Variants in MECOM observed in about 807,000 individuals in gnomAD.
MECOM encodes MDS1 and EVI1 complex locus, also known as histone-lysine N-methyltransferase MECOM.
A neutral mutation model predicts 116.3 loss-of-function variants in MECOM; 13 were observed. The observed-to-expected ratio is 0.11, with a 90% confidence interval of 0.07 to 0.18. The LOEUF (loss-of-function observed/expected upper bound fraction) is 0.18, where lower values mean the gene tolerates loss of function less well. MECOM is among the 10% of genes least tolerant of loss of function. The probability of loss-of-function intolerance (pLI) is 1.00; values close to 1 mark genes in which losing one functional copy is unlikely to be tolerated. For synonymous variants in MECOM, 528 were observed against 535.2 expected, an observed-to-expected ratio of 0.99 and a Z score of 0.19; for missense variants, 1,299 against 1,509.0, an observed-to-expected ratio of 0.86 and a Z score of 2.31.
chr3:169,539,096 A>G (rs982199500), intron 1 of MECOM, among the ~76,000 whole-genome samples: 4 of 152,106 alleles, frequency 2.6e-5, no homozygotes, highest in Middle Eastern at 3.2e-3. Flanking sequence ...ATACATATGA[A>G]ACTAGACTAT....
At position 169,417,858 on chromosome 3, in the gene MECOM, C is replaced by CA. The variant is rs540545783; in HGVS notation, c.38-36335dup. 3.2e-4 allele frequency among the ~76,000 whole-genome samples: 49 copies of CA among 151,596 alleles called. No individual in the cohort carries two copies. The South Asian group carries it at 0.01, about 31-fold the overall frequency. Reference sequence around the variant, plus strand: ...CATTCTCAGCAAACTATCGCAAGAACAAAAAACCAAACACCACGTATTCTC... The same window carrying CA: ...CATTCTCAGCAAACTATCGCAAGAACAAAAAAACCAAACACCACGTATTCTC... On this transcript the variant is annotated intron_variant, in intron 1 of 16. Coordinates refer to ENST00000651503, the MANE Select transcript of MECOM (RefSeq NM_004991.4).
intron 1 of MECOM, among the ~76,000 whole-genome samples, chr3:169,468,016 T>G (rs1748587502): frequency 6.6e-6 from 1 of 152,192 alleles, no homozygotes; most frequent in African/African-American, 2.4e-5. Flanking sequence ...CCTTCTCCTC[T>G]TTTTATGTCA....
chr3:169,524,224 C>T (rs573606441), intron 1 of MECOM, among the ~76,000 whole-genome samples: 1 of 151,968 alleles, frequency 6.6e-6, no homozygotes, highest in Non-Finnish European at 1.5e-5. Flanking sequence ...TTAATGTGTA[C>T]AGGGTCCTTA....
At chr3:169,504,411 A>G (rs959262008) in intron 1 of MECOM, among the ~76,000 whole-genome samples, 5 of 152,090 alleles carry the variant, frequency 3.3e-5, no homozygotes, top group Admixed American at 6.5e-5. Flanking sequence ...TGAGGTACTC[A>G]TTTTTCCTAC....
intron 5 of MECOM, among the ~76,000 whole-genome samples, chr3:169,124,934 G>A (rs1294357788): frequency 6.6e-6 from 1 of 152,028 alleles, no homozygotes; most frequent in African/African-American, 2.4e-5. Context: ...ATTATCCAGT[G>A]GTCATACAGA....
intron 14 of MECOM, 72 bp from the exon 15 acceptor site, chr3:169,090,308 T>C (rs770761630): frequency 2.2e-6 from 3 of 1,356,602 alleles, no homozygotes; most frequent in Admixed American, 4.4e-5. Flanking sequence ...TCCTTTATTA[T>C]GTCTTCCCAA....
chr3:169,627,094 CA>C (rs1771472724), intron 1 of MECOM, among the ~76,000 whole-genome samples: 1 of 152,178 alleles, frequency 6.6e-6, no homozygotes, highest in Admixed American at 6.5e-5. Flanking sequence ...AAACAAATTA[CA>C]GCAGTCAAAA....
chr3:169,115,238 T>TA, intron 8 of MECOM, 145 bp downstream of exon 8: 2 of 887,480 alleles, frequency 2.3e-6, no homozygotes, highest in Non-Finnish European at 1.6e-6. Context: ...ACTTTCAGAA[T>TA]AAAAAATGAG....
intron 1 of MECOM, among the ~76,000 whole-genome samples, chr3:169,396,616 G>A (rs1417338822): frequency 6.6e-6 from 1 of 152,014 alleles, no homozygotes; most frequent in African/African-American, 2.4e-5. Context: ...TTACTATGTG[G>A]CTCACATTTG....
intron 1 of MECOM, among the ~76,000 whole-genome samples, chr3:169,401,220 A>G (rs1022054107): frequency 8.5e-5 from 13 of 152,112 alleles, no homozygotes; most frequent in Non-Finnish European, 1.9e-4. Flanking sequence ...CTTAGCTTCC[A>G]TGGATGCAGT....
At chr3:169,117,681 A>G (rs906346281) in intron 7 of MECOM, among the ~76,000 whole-genome samples, 3 of 152,228 alleles carry the variant, frequency 2.0e-5, no homozygotes, top group Non-Finnish European at 2.9e-5. Context: ...ACAGCATTGG[A>G]TGCAGCTGTG....
chr3:169,413,651 C>G (rs1271245605), intron 1 of MECOM, among the ~76,000 whole-genome samples: 2 of 152,120 alleles, frequency 1.3e-5, no homozygotes, highest in Non-Finnish European at 2.9e-5. Flanking sequence ...GAAATTCTCA[C>G]TGCCAACACA....
At chr3:169,369,008 G>A (rs1385135314) in intron 2 of MECOM, among the ~76,000 whole-genome samples, 1 of 151,976 alleles carries the variant, frequency 6.6e-6, no homozygotes, top group Non-Finnish European at 1.5e-5. Context: ...TGATCACCAA[G>A]GCAGACAGAG....
intron 1 of MECOM, among the ~76,000 whole-genome samples, chr3:169,505,355 G>T (rs1373507653): frequency 6.6e-6 from 1 of 150,680 alleles, no homozygotes; most frequent in South Asian, 2.1e-4. Flanking sequence ...CTTACCAAAG[G>T]CATACCAAAA....
chr3:169,650,392 G>T (rs764829533), intron 1 of MECOM, among the ~76,000 whole-genome samples: 1 of 152,066 alleles, frequency 6.6e-6, no homozygotes, highest in Non-Finnish European at 1.5e-5. Flanking sequence ...CACAAACAAG[G>T]AAATCACTTA....
At chr3:169,649,766 A>C (rs1197767425) in intron 1 of MECOM, among the ~76,000 whole-genome samples, 2 of 152,252 alleles carry the variant, frequency 1.3e-5, no homozygotes. Context: ...CATTTGAAAC[A>C]AATATTGTGC....
intron 2 of MECOM, among the ~76,000 whole-genome samples, chr3:169,220,556 C>A (rs1423744158): frequency 1.3e-5 from 2 of 152,026 alleles, no homozygotes; most frequent in African/African-American, 2.4e-5. Context: ...CTCACTGCAA[C>A]CTCCGCCTCC....
At chr3:169,536,648 G>C (rs1759402710) in intron 1 of MECOM, among the ~76,000 whole-genome samples, 1 of 152,078 alleles carries the variant, frequency 6.6e-6, no homozygotes, top group Non-Finnish European at 1.5e-5. Context: ...TTCCAAAGGG[G>C]AAAATCCACA....
intron 1 of MECOM, among the ~76,000 whole-genome samples, chr3:169,607,787 T>G (rs887347006): frequency 7.9e-5 from 12 of 152,242 alleles, no homozygotes; most frequent in Non-Finnish European, 1.8e-4. Context: ...TAAACACTCG[T>G]AGAATAAAAA....
Sources: gnomAD v4.1 joint callset for allele counts (sites outside exome capture counted in the v4.1 genomes callset) on GRCh38, gnomAD v4.1.1 for gene constraint, MANE v1.5 for transcripts, NCBI Gene and HGNC (gene_info 2026-07-23, HGNC 2026-07-21) for gene names.